NAALADL2: variants seen among roughly 807,000 people sequenced by gnomAD.
The protein encoded by NAALADL2 is N-acetylated alpha-linked acidic dipeptidase like 2.
In NAALADL2, 76 loss-of-function variants were observed where a neutral mutation model predicts 87.2. That is an observed-to-expected ratio of 0.87 (90% CI 0.72 to 1.05). NAALADL2 has a LOEUF of 1.05. Ranked by LOEUF, NAALADL2 falls within the 50% of genes least tolerant of loss-of-function variation. The pLI is 0.00. For synonymous variants in NAALADL2, 354 were observed against 331.0 expected, an observed-to-expected ratio of 1.07 and a Z score of -0.75; for missense variants, 1,089 against 945.8, an observed-to-expected ratio of 1.15 and a Z score of -1.99.
At chr3:175,660,389 A>T (rs1732092191) in intron 11 of NAALADL2, among the ~76,000 whole-genome samples, 1 of 152,126 alleles carries the variant, frequency 6.6e-6, no homozygotes, top group African/African-American at 2.4e-5. Context: ...TTGATATGTC[A>T]CAATAGTACA....
At chr3:174,873,072 T>G (rs1297838734) in intron 1 of NAALADL2, among the ~76,000 whole-genome samples, 1 of 152,124 alleles carries the variant, frequency 6.6e-6, no homozygotes, top group Non-Finnish European at 1.5e-5. Flanking sequence ...AATCCAGTGG[T>G]TAAAGAATCT....
chr3:175,038,593 C>T (rs1254507335), intron 1 of NAALADL2, among the ~76,000 whole-genome samples: 2 of 152,120 alleles, frequency 1.3e-5, no homozygotes, highest in African/African-American at 2.4e-5. Context: ...AGCCATTTGC[C>T]ATGAATCATT....
chr3:175,470,933 G>A (rs1425806678), intron 8 of NAALADL2, among the ~76,000 whole-genome samples: 1 of 152,152 alleles, frequency 6.6e-6, no homozygotes, highest in Admixed American at 6.5e-5. Context: ...AAAAGTAAAG[G>A]GCTGGTTTTA....
chr3:175,726,117 A>G (rs1348717372), intron 11 of NAALADL2, among the ~76,000 whole-genome samples: 7 of 152,274 alleles, frequency 4.6e-5, no homozygotes, highest in African/African-American at 1.4e-4. Context: ...AAACATGACT[A>G]TATCACTGAA....
chr3:175,022,764 CAG>C (rs1270631064), intron 1 of NAALADL2, among the ~76,000 whole-genome samples: 1 of 152,040 alleles, frequency 6.6e-6, no homozygotes, highest in Non-Finnish European at 1.5e-5. Context: ...GACGGATTAA[CAG>C]AAATAATTCT....
At chr3:174,461,057 A>G (rs1054783373) in intron 1 of NAALADL2, among the ~76,000 whole-genome samples, 6 of 152,226 alleles carry the variant, frequency 3.9e-5, no homozygotes, top group Admixed American at 3.3e-4. Flanking sequence ...TCAAGTTACA[A>G]TGAACTTCAA....
At chr3:174,521,005 A>T (rs1720242708) in intron 1 of NAALADL2, among the ~76,000 whole-genome samples, 1 of 151,806 alleles carries the variant, frequency 6.6e-6, no homozygotes, top group African/African-American at 2.4e-5. Context: ...ATTAAAAAAT[A>T]AAAAAAACAG....
chr3:175,079,489 G>A (rs1717312367), intron 1 of NAALADL2: 1 of 152,134 alleles, frequency 6.6e-6, no homozygotes, highest in Non-Finnish European at 1.5e-5. Context: ...AAAGTTTTAA[G>A]AGAAAGAAAT....
intron 2 of NAALADL2, among the ~76,000 whole-genome samples, chr3:174,608,068 T>C (rs1338159523): frequency 6.6e-6 from 1 of 152,066 alleles, no homozygotes; most frequent in East Asian, 1.9e-4. Context: ...GAATGACTAC[T>C]GGGTACATAA....
At chr3:174,838,164 A>G (rs1447967960) in intron 3 of NAALADL2, among the ~76,000 whole-genome samples, 1 of 152,174 alleles carries the variant, frequency 6.6e-6, no homozygotes, top group Non-Finnish European at 1.5e-5. Context: ...TGGGTTTCAT[A>G]CCAGGGATGC....
chr3:175,402,460 C>G (rs1198411446), intron 5 of NAALADL2, among the ~76,000 whole-genome samples: 1 of 151,978 alleles, frequency 6.6e-6, no homozygotes, highest in Non-Finnish European at 1.5e-5. Flanking sequence ...TTCAATGGCT[C>G]CCTACTGCTT....
intron 11 of NAALADL2, among the ~76,000 whole-genome samples, chr3:175,694,452 T>C (rs1309193079): frequency 1.3e-5 from 2 of 152,182 alleles, no homozygotes; most frequent in Non-Finnish European, 2.9e-5. Context: ...TAGTGAATCC[T>C]TGATGTGAAG....
intron 5 of NAALADL2, among the ~76,000 whole-genome samples, chr3:175,399,481 T>G (rs1325684677): frequency 6.6e-6 from 1 of 152,178 alleles, no homozygotes; most frequent in African/African-American, 2.4e-5. Flanking sequence ...TTATGGTTAT[T>G]TCTTGATGAT....
intron 3 of NAALADL2, among the ~76,000 whole-genome samples, chr3:174,742,339 C>A (rs1429858990): frequency 3.3e-5 from 5 of 151,610 alleles, no homozygotes; most frequent in Non-Finnish European, 5.9e-5. Context: ...TGGTATATAA[C>A]TGGCAATAAA....
chr3:174,831,395 T>C (rs1055681532), intron 3 of NAALADL2, among the ~76,000 whole-genome samples: 1 of 144,130 alleles, frequency 6.9e-6, no homozygotes, highest in African/African-American at 2.7e-5. Flanking sequence ...GTTCTGTTTA[T>C]ACGCTGGATT....
At chr3:174,729,289 T>G (rs1193600583) in intron 2 of NAALADL2, among the ~76,000 whole-genome samples, 1 of 152,054 alleles carries the variant, frequency 6.6e-6, no homozygotes, top group Admixed American at 6.6e-5. Flanking sequence ...TTTACTAGTA[T>G]TAACTCATTA....
At chr3:174,603,448 G>T (rs1313368210) in intron 2 of NAALADL2, among the ~76,000 whole-genome samples, 1 of 151,848 alleles carries the variant, frequency 6.6e-6, no homozygotes, top group African/African-American at 2.4e-5. Context: ...GATATCAGTT[G>T]TAATATCTCT....
In NAALADL2 at chr3:175,486,933, A is replaced by T. The variant is rs570244937; in HGVS notation, c.1653+15175A>T. 1.3e-4 allele frequency among the ~76,000 whole-genome samples: 20 copies of T among 152,066 alleles called. No homozygotes were observed. In the South Asian group the frequency reaches 3.5e-3, roughly 27 times the overall value. On this transcript the variant is annotated intron_variant, in intron 9 of 13. Coordinates refer to ENST00000454872, the MANE Select transcript of NAALADL2 (RefSeq NM_207015.3). ...TGCCACCTTCTCTCCCTCCACTCTT[A>T]TCCCATCTAAGATGATTTCAGTAGC...
chr3:174,491,328 T>C (rs971624387), intron 1 of NAALADL2, among the ~76,000 whole-genome samples: 3 of 152,170 alleles, frequency 2.0e-5, no homozygotes, highest in Non-Finnish European at 4.4e-5. Flanking sequence ...AGAAAAGCAG[T>C]AGTCTGAGCA....
Sources: gnomAD v4.1 joint callset for allele counts (sites outside exome capture counted in the v4.1 genomes callset) on GRCh38, gnomAD v4.1.1 for gene constraint, MANE v1.5 for transcripts, NCBI Gene and HGNC (gene_info 2026-07-23, HGNC 2026-07-21) for gene names.